The following MACROD2 variants were observed in gnomAD, a reference collection of about 807,000 sequenced individuals.
MACROD2 encodes mono-ADP ribosylhydrolase 2.
Under a neutral mutation model 70.4 loss-of-function variants are expected in MACROD2, and 36 were observed. The observed-to-expected ratio is 0.51, with a 90% confidence interval of 0.39 to 0.68. The LOEUF is 0.68. Among genes scored for constraint, MACROD2 ranks in the 30% least tolerant of loss-of-function variants. MACROD2 has a pLI of 0.00. For missense variants in MACROD2, 496 were observed against 538.4 expected (o/e 0.92, Z 0.78); for synonymous variants, 172 against 178.8 (o/e 0.96, Z 0.30).
chr20:14,493,032 A>G (rs974375184), intron 3 of MACROD2, among the ~76,000 whole-genome samples: 2 of 152,096 alleles, frequency 1.3e-5, no homozygotes, highest in Non-Finnish European at 2.9e-5. Flanking sequence ...TTCTTACTGC[A>G]AAATGTTTTG....
chr20:15,254,463 C>T (rs2077181603), intron 6 of MACROD2, among the ~76,000 whole-genome samples: 1 of 151,994 alleles, frequency 6.6e-6, no homozygotes, highest in Non-Finnish European at 1.5e-5. Flanking sequence ...GATTTAAGCT[C>T]CTCATTTACT....
chr20:14,826,221 G>GT (rs2072900940), intron 5 of MACROD2, among the ~76,000 whole-genome samples: 1 of 145,616 alleles, frequency 6.9e-6, no homozygotes, highest in African/African-American at 2.5e-5. Context: ...ATAAACACTA[G>GT]TTAAAAAAAA....
Position 14,316,801 on chromosome 20 carries a change from C to T in MACROD2, c.272-176678C>T, listed in dbSNP as rs1261379352. The stretch of plus-strand genomic sequence containing the variant: ...TTGAGCATCTTTCCACCTCTCTACT[C>T]ACCACCACTATTCTGTTCCACACAG... On this transcript the variant is annotated intron_variant, in intron 3 of 17. Transcript: ENST00000684519. 2.0e-5 allele frequency among the ~76,000 whole-genome samples: 3 copies of T among 152,294 alleles called. No homozygotes were observed. The East Asian group carries it at 5.8e-4, about 29-fold the overall frequency.
At chr20:14,058,792 T>G (rs1238872547) in intron 2 of MACROD2, among the ~76,000 whole-genome samples, 1 of 151,864 alleles carries the variant, frequency 6.6e-6, no homozygotes, top group African/African-American at 2.4e-5. Context: ...TACAGGCATG[T>G]GCCACCACAC....
intron 3 of MACROD2, among the ~76,000 whole-genome samples, chr20:14,160,962 T>A (rs890197185): frequency 9.9e-5 from 15 of 152,122 alleles, no homozygotes; most frequent in Non-Finnish European, 1.6e-4. Flanking sequence ...TTGTACCCAA[T>A]AGGTAATTTT....
chr20:14,558,441 A>G (rs908005307), intron 4 of MACROD2, among the ~76,000 whole-genome samples: 1 of 151,770 alleles, frequency 6.6e-6, no homozygotes, highest in African/African-American at 2.4e-5. Context: ...TATGCTGTCT[A>G]TAAAAAATTT....
intron 5 of MACROD2, among the ~76,000 whole-genome samples, chr20:15,034,730 T>A (rs915128164): frequency 6.6e-6 from 1 of 152,232 alleles, no homozygotes; most frequent in Non-Finnish European, 1.5e-5. Context: ...CATAGTATTC[T>A]GCATGGTATT....
intron 3 of MACROD2, among the ~76,000 whole-genome samples, chr20:14,114,268 A>G (rs2054488776): frequency 6.6e-6 from 1 of 152,174 alleles, no homozygotes; most frequent in African/African-American, 2.4e-5. Context: ...GGATGAGTCT[A>G]ATTAAATGGG....
At chr20:15,483,638 A>G (rs919144671) in intron 7 of MACROD2, among the ~76,000 whole-genome samples, 1 of 152,234 alleles carries the variant, frequency 6.6e-6, no homozygotes, top group East Asian at 1.9e-4. Flanking sequence ...CTTCTTTCCA[A>G]CTGAAAAGTT....
chr20:14,496,713 A>G (rs1333697698), intron 4 of MACROD2, among the ~76,000 whole-genome samples: 1 of 151,912 alleles, frequency 6.6e-6, no homozygotes, highest in Non-Finnish European at 1.5e-5. Context: ...TTGCTTGGTA[A>G]AATTGATCAC....
intron 12 of MACROD2, among the ~76,000 whole-genome samples, chr20:15,955,472 T>C (rs1481152607): frequency 6.6e-6 from 1 of 152,192 alleles, no homozygotes; most frequent in Non-Finnish European, 1.5e-5. Context: ...TTCCCAGCCA[T>C]TTCTGTCACC....
intron 5 of MACROD2, among the ~76,000 whole-genome samples, chr20:14,941,410 G>C (rs1180805642): frequency 6.6e-6 from 1 of 152,012 alleles, no homozygotes; most frequent in Non-Finnish European, 1.5e-5. Flanking sequence ...CAGGTCTCCT[G>C]CTAGGGAACC....
In MACROD2 at chr20:15,731,816, C is replaced by T. The variant is rs1266494201; in HGVS notation, c.646-130929C>T. Reference sequence around the variant, plus strand: ...TGTTGCCCAGGCTGGAGTGCAATAGCGCGATCTTGGCTCACTGCAAACTTC... The same window carrying T: ...TGTTGCCCAGGCTGGAGTGCAATAGTGCGATCTTGGCTCACTGCAAACTTC... On this transcript the variant is annotated intron_variant, in intron 8 of 17. Transcript: ENST00000684519. Among the ~76,000 whole-genome samples the T allele has an allele frequency of 5.6e-5, 3 of 53,356 alleles. 1 individual carries two copies. The South Asian group carries it at 1.8e-3, about 33-fold the overall frequency. 35.0% of individuals were successfully genotyped at this position (53,356 alleles called of 152,430 possible). A position where few individuals can be genotyped will look rare whatever the true frequency, so the allele number is the denominator to read the frequency against.
chr20:14,961,888 A>T (rs1250482488), intron 5 of MACROD2, among the ~76,000 whole-genome samples: 1 of 152,228 alleles, frequency 6.6e-6, no homozygotes, highest in Non-Finnish European at 1.5e-5. Context: ...AAACCATATG[A>T]CAATTATCAA....
At chr20:14,161,864 A>G (rs1601296464) in intron 3 of MACROD2, among the ~76,000 whole-genome samples, 1 of 152,186 alleles carries the variant, frequency 6.6e-6, no homozygotes, top group African/African-American at 2.4e-5. Flanking sequence ...AAGTGCTGGG[A>G]TTACAGGAGT....
chr20:15,438,952 C>T (rs1222652370), intron 7 of MACROD2, among the ~76,000 whole-genome samples: 2 of 152,160 alleles, frequency 1.3e-5, no homozygotes, highest in African/African-American at 4.8e-5. Flanking sequence ...CATTTCTATT[C>T]TAGGAAAAAC....
At chr20:15,284,724 G>A (rs573432035) in intron 6 of MACROD2, among the ~76,000 whole-genome samples, 6 of 152,204 alleles carry the variant, frequency 3.9e-5, no homozygotes, top group East Asian at 1.9e-4. Context: ...TAGTTACTCC[G>A]ATAGAACGAA....
At chr20:14,290,875 A>G (rs2082381070) in intron 3 of MACROD2, among the ~76,000 whole-genome samples, 1 of 152,206 alleles carries the variant, frequency 6.6e-6, no homozygotes, top group Non-Finnish European at 1.5e-5. Context: ...GGAGTTTCTA[A>G]AGCAGGTGTG....
chr20:14,902,242 CT>C (rs1192070598), intron 5 of MACROD2, among the ~76,000 whole-genome samples: 2 of 152,122 alleles, frequency 1.3e-5, no homozygotes, highest in African/African-American at 4.8e-5. Context: ...AGTTGTTTTA[CT>C]TTTCAAAATT....
Sources: gnomAD v4.1 joint callset for allele counts (sites outside exome capture counted in the v4.1 genomes callset) on GRCh38, gnomAD v4.1.1 for gene constraint, MANE v1.5 for transcripts, NCBI Gene and HGNC (gene_info 2026-07-23, HGNC 2026-07-21) for gene names.